CHST11: variants seen among roughly 807,000 people sequenced by gnomAD.
The protein encoded by CHST11 is C4S-1.
In CHST11, 9 loss-of-function variants were observed where a neutral mutation model predicts 30.4. The observed-to-expected ratio is 0.30, with a 90% CI of 0.18 to 0.52. The LOEUF is 0.52. Ranked by LOEUF, CHST11 falls within the 20% of genes least tolerant of loss-of-function variation. The pLI, the probability that CHST11 is intolerant of heterozygous loss-of-function variation, is 0.97. For missense variants in CHST11, 348 were observed against 460.6 expected, an observed-to-expected ratio of 0.76 and a Z score of 2.24; for synonymous variants, 152 against 187.8, an observed-to-expected ratio of 0.81 and a Z score of 1.56.
At chr12:104,510,676 A>G (rs894189788) in intron 1 of CHST11, among the ~76,000 whole-genome samples, 1 of 152,234 alleles carries the variant, frequency 6.6e-6, no homozygotes, top group Non-Finnish European at 1.5e-5. Context: ...AATACAAGGG[A>G]GACATTAATG....
At chr12:104,544,768 G>GCCCCCCCCCCCCC (rs1555231405) in intron 1 of CHST11, among the ~76,000 whole-genome samples, 9 of 51,964 alleles carry the variant, frequency 1.7e-4, no homozygotes, top group East Asian at 0.018. Context: ...GGGGGTCACA[G>GCCCCCCCCCCCCC]TCCCCCCACC....
In CHST11 at chr12:104,719,672, C is replaced by G. The variant is rs549953942; in HGVS notation, c.205-37277C>G. 1.4e-4 allele frequency among the ~76,000 whole-genome samples: 22 copies of G among 152,314 alleles called. No individual in the cohort carries two copies. In the South Asian group the frequency reaches 4.6e-3, roughly 32 times the overall value. On this transcript the variant is annotated intron_variant, in intron 2 of 2. Coordinates refer to ENST00000303694, the MANE Select transcript of CHST11 (RefSeq NM_018413.6). Reference sequence around the variant, plus strand: ...AGCATTTTTCAAGTTATAAACACCCCCTCTTAGCTGGGACCCCTCTTTATT... The same window carrying G: ...AGCATTTTTCAAGTTATAAACACCCGCTCTTAGCTGGGACCCCTCTTTATT...
intron 1 of CHST11, among the ~76,000 whole-genome samples, chr12:104,525,959 G>A (rs866164905): frequency 2.0e-5 from 3 of 151,876 alleles, no homozygotes; most frequent in African/African-American, 4.8e-5. Context: ...AAGAAAGAGC[G>A]TCAAGCCTAT....
chr12:104,572,451 A>G (rs1240072443), intron 1 of CHST11, among the ~76,000 whole-genome samples: 1 of 152,174 alleles, frequency 6.6e-6, no homozygotes, highest in East Asian at 1.9e-4. Context: ...GGGAAGGTGT[A>G]TGTGTCAAGG....
At chr12:104,614,884 T>C (rs1436822179) in intron 2 of CHST11, among the ~76,000 whole-genome samples, 1 of 152,050 alleles carries the variant, frequency 6.6e-6, no homozygotes, top group Non-Finnish European at 1.5e-5. Context: ...GGCTGAAGCT[T>C]TGTCCCTCCT....
At chr12:104,601,471 T>G (rs1332234949) in intron 1 of CHST11, among the ~76,000 whole-genome samples, 1 of 152,238 alleles carries the variant, frequency 6.6e-6, no homozygotes, top group Admixed American at 6.5e-5. Context: ...CTGCCCATTC[T>G]CAGAAGCCCA....
chr12:104,654,616 G>T (rs904888711), intron 2 of CHST11, among the ~76,000 whole-genome samples: 1 of 152,036 alleles, frequency 6.6e-6, no homozygotes, highest in Non-Finnish European at 1.5e-5. Context: ...TCCTATGGGG[G>T]GTAATGTCCC....
At position 104,637,496 on chromosome 12, in the gene CHST11, T is replaced by A. The variant is rs891887438; in HGVS notation, c.204+35505T>A. On this transcript the variant is annotated intron_variant, in intron 2 of 2. Transcript: ENST00000303694. ...AAACTTAAAGTATAATAATAATTTT[T>A]AAAAAAACCACAAAAACCTTTGGCT... Among the ~76,000 whole-genome samples, 17 of 152,170 alleles carry A rather than the reference T, an allele frequency of 1.1e-4. 1 individual carries two copies. In the South Asian group the frequency reaches 1.5e-3, roughly 13 times the overall value.
At position 104,514,318 on chromosome 12, in the gene CHST11, G is replaced by T. The variant is rs1397573482; in HGVS notation, c.118+56789G>T. 10 of 944,168 alleles carry T rather than the reference G, an allele frequency of 1.1e-5. No individual in the cohort carries two copies. In the Admixed American group the frequency reaches 1.7e-4, roughly 16 times the overall value. 58.5% of individuals were successfully genotyped at this position (944,168 alleles called of 1,614,324 possible). A position where few individuals can be genotyped will look rare whatever the true frequency, so the allele number is the denominator to read the frequency against. ...GTGTTTGGCAGCCTGATCATTGGCTGTGCCAGAAACCTGTCTCTCAAGCAG... is the reference window on the plus strand; with the variant it reads ...GTGTTTGGCAGCCTGATCATTGGCTTTGCCAGAAACCTGTCTCTCAAGCAG... On this transcript the variant is annotated intron_variant, in intron 1 of 2. Coordinates refer to ENST00000303694, the MANE Select transcript of CHST11 (RefSeq NM_018413.6).
At chr12:104,476,873 A>G (rs1488753731) in intron 1 of CHST11, among the ~76,000 whole-genome samples, 9 of 151,488 alleles carry the variant, frequency 5.9e-5, no homozygotes, top group Non-Finnish European at 2.9e-5. Flanking sequence ...TCTGGAGGCC[A>G]CAAACTGTGT....
rs780518961 is a variant in CHST11 at position 104,486,475 on chromosome 12, G to A, written c.118+28946G>A. Reference sequence around the variant, plus strand: ...TCTTGCCTGTTGGTGACACAGTGTGGCTGGACTGTGGGGTTCACCAGCCAG... The same window carrying A: ...TCTTGCCTGTTGGTGACACAGTGTGACTGGACTGTGGGGTTCACCAGCCAG... On this transcript the variant is annotated intron_variant, in intron 1 of 2. Coordinates refer to ENST00000303694, the MANE Select transcript of CHST11 (RefSeq NM_018413.6). Among the ~76,000 whole-genome samples the A allele has an allele frequency of 3.4e-4, 51 of 152,184 alleles. 1 individual carries two copies. The highest frequency in any genetic ancestry group is 8.8e-5 in the Non-Finnish European group (6 of 68,038).
chr12:104,686,303 C>T (rs2039845852), intron 2 of CHST11, among the ~76,000 whole-genome samples: 1 of 148,842 alleles, frequency 6.7e-6, no homozygotes, highest in Non-Finnish European at 1.5e-5. Flanking sequence ...GTCTAATGGA[C>T]AGCTGCTTAG....
chr12:104,538,509 T>C (rs1212670893), intron 1 of CHST11, among the ~76,000 whole-genome samples: 4 of 152,226 alleles, frequency 2.6e-5, no homozygotes, highest in Non-Finnish European at 5.9e-5. Flanking sequence ...GAGAGAGTCA[T>C]TATACGCAGC....
intron 1 of CHST11, among the ~76,000 whole-genome samples, chr12:104,463,554 T>C (rs2037429748): frequency 6.6e-6 from 1 of 152,196 alleles, no homozygotes; most frequent in African/African-American, 2.4e-5. Flanking sequence ...ATGTAACACA[T>C]ACATACATCT....
intron 2 of CHST11, among the ~76,000 whole-genome samples, chr12:104,688,457 A>T (rs1391794329): frequency 1.3e-5 from 2 of 152,224 alleles, no homozygotes; most frequent in Non-Finnish European, 2.9e-5. Flanking sequence ...GCAAGGCTCA[A>T]GAGCCCCTGA....
rs2037378015 is a variant in CHST11 at position 104,458,532 on chromosome 12, C to G, written c.118+1003C>G. Among the ~76,000 whole-genome samples the G allele has an allele frequency of 1.3e-5, 2 of 152,206 alleles. No homozygotes were observed. Reference sequence around the variant, plus strand: ...GAGGGGCGCCCTCGAGCGCGGCGGCCGGGGGTGAGCAGCTCGGCTGCGAAG... The same window carrying G: ...GAGGGGCGCCCTCGAGCGCGGCGGCGGGGGGTGAGCAGCTCGGCTGCGAAG... On this transcript the variant is annotated intron_variant, in intron 1 of 2. Transcript: ENST00000303694. The surrounding 1 kb of genome is among the most constrained non-coding windows in gnomAD (Gnocchi z 5.7).
chr12:104,706,315 C>T (rs1050520844), intron 2 of CHST11, among the ~76,000 whole-genome samples: 11 of 149,488 alleles, frequency 7.4e-5, no homozygotes, highest in Admixed American at 2.7e-4. Context: ...ACCTGGGAGG[C>T]GGAGGTTGCA....
At position 104,470,473 on chromosome 12, in the gene CHST11, C is replaced by T. The variant is rs955555118; in HGVS notation, c.118+12944C>T. Among the ~76,000 whole-genome samples, 5 of 152,286 alleles carry T rather than the reference C, an allele frequency of 3.3e-5. No homozygotes were observed. The East Asian group carries it at 9.6e-4, about 29-fold the overall frequency. On this transcript the variant is annotated intron_variant, in intron 1 of 2. Coordinates refer to ENST00000303694, the MANE Select transcript of CHST11 (RefSeq NM_018413.6). ...ACCACCCCCATGATCCAACTAACTC[C>T]ACTTGGTCCTGCCCTTGACACATGG...
At chr12:104,706,389 C>A (rs1390119612) in intron 2 of CHST11, among the ~76,000 whole-genome samples, 1 of 68,484 alleles carries the variant, frequency 1.5e-5, no homozygotes, top group African/African-American at 6.0e-5. Context: ...CTCAAAAAAA[C>A]AAACAAACAA....
Sources: gnomAD v4.1 joint callset for allele counts (sites outside exome capture counted in the v4.1 genomes callset) on GRCh38, gnomAD v4.1.1 for gene constraint, Gnocchi (gnomAD v3.1) non-coding constraint, MANE v1.5 for transcripts, NCBI Gene and HGNC (gene_info 2026-07-23, HGNC 2026-07-21) for gene names.